VPS13B: variants seen among roughly 807,000 people sequenced by gnomAD.
VPS13B encodes vacuolar protein sorting 13 homolog B, also known as intermembrane lipid transfer protein VPS13B.
VPS13B carries 285 observed loss-of-function variants against 426.4 expected under a neutral mutation model. The observed-to-expected ratio is 0.67, with a 90% CI of 0.61 to 0.74. The LOEUF is 0.74. Among genes scored for constraint, VPS13B ranks in the 30% least tolerant of loss-of-function variants. VPS13B has a pLI of 0.00. For synonymous variants in VPS13B, 1,676 were observed against 1,676.4 expected, an observed-to-expected ratio of 1.00 and a Z score of 0.01; for missense variants, 4,537 against 4,782.6, an observed-to-expected ratio of 0.95 and a Z score of 1.51.
intron 22 of VPS13B, among the ~76,000 whole-genome samples, chr8:99,436,370 A>G (rs954354751): frequency 6.6e-6 from 1 of 152,192 alleles, no homozygotes; most frequent in African/African-American, 2.4e-5. Flanking sequence ...GTAAGTTATG[A>G]TAGTGATTTT....
intron 17 of VPS13B, among the ~76,000 whole-genome samples, chr8:99,199,326 C>T (rs1211385824): frequency 6.6e-6 from 1 of 152,114 alleles, no homozygotes; most frequent in Non-Finnish European, 1.5e-5. Context: ...TGCCTGCCAC[C>T]ACACCCGGCT....
At chr8:99,032,733 G>C (rs759728319) in intron 2 of VPS13B, among the ~76,000 whole-genome samples, 12 of 151,308 alleles carry the variant, frequency 7.9e-5, no homozygotes, top group Admixed American at 4.6e-4. Flanking sequence ...GTGGAGACAG[G>C]GTTTTACGAT....
intron 21 of VPS13B, among the ~76,000 whole-genome samples, chr8:99,419,822 C>T (rs1563719876): frequency 6.6e-6 from 1 of 152,076 alleles, no homozygotes; most frequent in Non-Finnish European, 1.5e-5. Flanking sequence ...TAAAAGATAT[C>T]AATTGATTGT....
intron 23 of VPS13B, among the ~76,000 whole-genome samples, chr8:99,459,616 G>T (rs928893068): frequency 2.0e-5 from 3 of 152,134 alleles, no homozygotes; most frequent in Non-Finnish European, 4.4e-5. Flanking sequence ...GTTTTGGTAA[G>T]TATTAATTGT....
intron 3 of VPS13B, among the ~76,000 whole-genome samples, chr8:99,063,849 G>T (rs1411144508): frequency 1.3e-5 from 2 of 152,144 alleles, no homozygotes; most frequent in African/African-American, 2.4e-5. Context: ...ACAGGCAGGT[G>T]CCCCTCTGGG....
chr8:99,247,298 C>T (rs1817275787), intron 17 of VPS13B, among the ~76,000 whole-genome samples: 1 of 152,090 alleles, frequency 6.6e-6, no homozygotes, highest in South Asian at 2.1e-4. Flanking sequence ...TTACTGTCAA[C>T]CTTCATTACT....
At chr8:99,158,360 A>G (rs1460756893) in intron 15 of VPS13B, among the ~76,000 whole-genome samples, 2 of 152,074 alleles carry the variant, frequency 1.3e-5, no homozygotes, top group Non-Finnish European at 2.9e-5. Flanking sequence ...GTGAAACCCC[A>G]TCTCTACTAA....
chr8:99,516,658 C>T (rs1043840395), intron 29 of VPS13B, among the ~76,000 whole-genome samples: 7 of 151,296 alleles, frequency 4.6e-5, no homozygotes, highest in African/African-American at 1.5e-4. Flanking sequence ...CATGGTGGCC[C>T]GGGCTTGTAG....
intron 17 of VPS13B, among the ~76,000 whole-genome samples, chr8:99,207,974 A>ATG (rs1814825912): frequency 6.6e-6 from 1 of 152,216 alleles, no homozygotes; most frequent in South Asian, 2.1e-4. Flanking sequence ...GGCTTTAAAA[A>ATG]TGGACAAGAG....
chr8:99,141,881 A>G (rs564186081), intron 12 of VPS13B, among the ~76,000 whole-genome samples: 5 of 58,844 alleles, frequency 8.5e-5, no homozygotes, highest in South Asian at 8.6e-4. Context: ...TGTCTCTACT[A>G]AAAAAAAAAA....
At chr8:99,127,881 A>G (rs1217746122) in intron 8 of VPS13B, among the ~76,000 whole-genome samples, 1 of 152,160 alleles carries the variant, frequency 6.6e-6, no homozygotes, top group Non-Finnish European at 1.5e-5. Flanking sequence ...TTATTTTTGT[A>G]AGTATCTTGA....
intron 21 of VPS13B, among the ~76,000 whole-genome samples, chr8:99,394,015 A>G (rs1393031663): frequency 2.6e-5 from 4 of 152,086 alleles, no homozygotes; most frequent in African/African-American, 4.8e-5. Flanking sequence ...TAAGGTATTC[A>G]TAGTCTTTTG....
At chr8:99,616,020 A>T (rs763330490) in intron 33 of VPS13B, among the ~76,000 whole-genome samples, 26 of 152,166 alleles carry the variant, frequency 1.7e-4, no homozygotes, top group South Asian at 6.2e-4. Flanking sequence ...AAAATGAGTT[A>T]AAAATCTCCT....
chr8:99,357,184 T>C (rs541423407), intron 19 of VPS13B, among the ~76,000 whole-genome samples: 1 of 152,312 alleles, frequency 6.6e-6, no homozygotes, highest in East Asian at 1.9e-4. Flanking sequence ...CAGAATGCCC[T>C]TTCTTCCTCT....
At chr8:99,829,929 C>T (rs1814948809) in intron 51 of VPS13B, among the ~76,000 whole-genome samples, 1 of 152,228 alleles carries the variant, frequency 6.6e-6, no homozygotes, top group Admixed American at 6.5e-5. Flanking sequence ...CCAGCAGAGA[C>T]TCCAGAACAG....
At chr8:99,510,086 G>C (rs1821704738) in intron 28 of VPS13B, among the ~76,000 whole-genome samples, 1 of 152,172 alleles carries the variant, frequency 6.6e-6, no homozygotes, top group Admixed American at 6.5e-5. Flanking sequence ...TTACAGGATA[G>C]TGATAATTAG....
At chr8:99,504,105 C>G (rs996275191) in intron 27 of VPS13B, among the ~76,000 whole-genome samples, 1 of 152,154 alleles carries the variant, frequency 6.6e-6, no homozygotes, top group South Asian at 2.1e-4. Context: ...GGTGCCTCCC[C>G]ATGGTGACAA....
intron 33 of VPS13B, among the ~76,000 whole-genome samples, chr8:99,628,147 T>C (rs1828693695): frequency 6.6e-6 from 1 of 152,206 alleles, no homozygotes; most frequent in Non-Finnish European, 1.5e-5. Flanking sequence ...GTCAGTTTTT[T>C]CCCACATAGC....
At chr8:99,761,498 C>G (rs1810929840) in intron 39 of VPS13B, among the ~76,000 whole-genome samples, 1 of 152,172 alleles carries the variant, frequency 6.6e-6, no homozygotes, top group South Asian at 2.1e-4. Flanking sequence ...TACTCCAACC[C>G]TCGCCTTGTA....
Sources: gnomAD v4.1 joint callset for allele counts (sites outside exome capture counted in the v4.1 genomes callset) on GRCh38, gnomAD v4.1.1 for gene constraint, MANE v1.5 for transcripts, NCBI Gene and HGNC (gene_info 2026-07-23, HGNC 2026-07-21) for gene names.